LTBP1: variants seen among roughly 807,000 people sequenced by gnomAD.
LTBP1 encodes the protein latent transforming growth factor beta binding protein 1, also known as latent-transforming growth factor beta-binding protein 1.
Under a neutral mutation model 207.6 loss-of-function variants are expected in LTBP1, and 129 were observed. The observed-to-expected ratio is 0.62, with a 90% CI of 0.54 to 0.72. The LOEUF is 0.72. Ranked by LOEUF, LTBP1 falls within the 30% of genes least tolerant of loss-of-function variation. The pLI is 0.00. For synonymous variants in LTBP1, 963 were observed against 833.7 expected (o/e 1.16, Z -2.67); for missense variants, 2,281 against 2,217.2 (o/e 1.03, Z -0.58).
At chr2:33,059,198 A>G (rs1044660800) in intron 3 of LTBP1, among the ~76,000 whole-genome samples, 3 of 152,224 alleles carry the variant, frequency 2.0e-5, no homozygotes, top group African/African-American at 7.2e-5. Flanking sequence ...TTTGTGTCCT[A>G]TTAAGTATAA....
intron 5 of LTBP1, among the ~76,000 whole-genome samples, chr2:33,148,088 G>A (rs571863939): frequency 1.3e-5 from 2 of 152,178 alleles, no homozygotes; most frequent in South Asian, 2.1e-4. Flanking sequence ...TAGTGTGGTG[G>A]TCTTATCTGC....
chr2:32,959,599 A>ATGTG (rs1392400118), intron 2 of LTBP1, among the ~76,000 whole-genome samples: 658 of 51,794 alleles, frequency 0.013, no homozygotes, highest in Middle Eastern at 0.034. Context: ...ATGTACGTGT[A>ATGTG]TATATATATA....
At chr2:33,203,949 A>T (rs1176916981) in intron 7 of LTBP1, among the ~76,000 whole-genome samples, 1 of 152,166 alleles carries the variant, frequency 6.6e-6, no homozygotes, top group Non-Finnish European at 1.5e-5. Flanking sequence ...CATTTTAAGA[A>T]ATGGTTTCAG....
intron 3 of LTBP1, among the ~76,000 whole-genome samples, chr2:33,101,899 C>T (rs912185607): frequency 6.6e-6 from 1 of 152,126 alleles, no homozygotes; most frequent in African/African-American, 2.4e-5. Context: ...TTTCGGTGTA[C>T]TGTGCTTTTC....
Position 33,263,357 on chromosome 2 carries a change from G to A in LTBP1, c.2582G>A (p.Ser861Asn). ...GTAGCTCCTGAAGCTTCTACGTCTA[G>A]TGCCAGCCAAGTGATTGCTCCTACT... Reference protein sequence around the residue: ...VEVAPEASTSSASQVIAPTQV... With the variant: ...VEVAPEASTSNASQVIAPTQV... The change falls in exon 15 of 34, where the codon AGT becomes AAT. Residue 861 changes from serine to asparagine, a missense_variant. Around this residue, in one of 3 missense-constraint regions of LTBP1, gnomAD observed 1,671 missense variants for 1,634.8 expected, o/e 1.02. Coordinates refer to ENST00000404816, the MANE Select transcript of LTBP1 (RefSeq NM_206943.4). The A allele has an allele frequency of 6.2e-7, 1 of 1,613,910 alleles. No individual in the cohort carries two copies. The highest frequency in any genetic ancestry group is 8.5e-7 in the Non-Finnish European group (1 of 1,179,938).
At position 32,949,907 on chromosome 2, in the gene LTBP1, T is replaced by C. The variant is rs75666014; in HGVS notation, c.565+962T>C. Among the ~76,000 whole-genome samples, 1,271 of 152,310 alleles carry C rather than the reference T, an allele frequency of 8.3e-3. 16 individuals are homozygous for C. Among genetic ancestry groups the C allele is most frequent in the African/African-American group, 0.029 (1,206 of 41,580 alleles). On this transcript the variant is annotated intron_variant, in intron 2 of 33. Transcript: ENST00000404816. The stretch of plus-strand genomic sequence containing the variant: ...GGGTTTTGGCATAATGGCCTTACTT[T>C]TGTAAAAAGGGAAATGTCCACAGGT...
rs1028770438 is a variant in LTBP1, at chr2:33,196,952, A to C, written c.1701+8101A>C. 5.3e-5 allele frequency among the ~76,000 whole-genome samples: 8 copies of C among 152,350 alleles called. 1 individual carries two copies. In the South Asian group the frequency reaches 1.7e-3, roughly 32 times the overall value. ...CTTTGGATTGCATTATAATGAGAAAAGAGCGGGAATAATGGAGTTAAAGGT... is the reference window on the plus strand; with the variant it reads ...CTTTGGATTGCATTATAATGAGAAACGAGCGGGAATAATGGAGTTAAAGGT... On this transcript the variant is annotated intron_variant, in intron 7 of 33. Coordinates refer to ENST00000404816, the MANE Select transcript of LTBP1 (RefSeq NM_206943.4).
chr2:33,206,826 C>T (rs995441563), intron 7 of LTBP1, among the ~76,000 whole-genome samples: 1 of 151,830 alleles, frequency 6.6e-6, no homozygotes, highest in Non-Finnish European at 1.5e-5. Context: ...TGATAGTAAT[C>T]ATGGCTATAT....
intron 32 of LTBP1, among the ~76,000 whole-genome samples, chr2:33,393,522 A>G (rs1204594727): frequency 7.1e-6 from 1 of 141,186 alleles, no homozygotes; most frequent in East Asian, 2.1e-4. Context: ...ATTCCCACCT[A>G]TGAGTGAGAA....
intron 3 of LTBP1, among the ~76,000 whole-genome samples, chr2:33,071,166 G>A (rs552601114): frequency 6.6e-6 from 1 of 152,290 alleles, no homozygotes; most frequent in South Asian, 2.1e-4. Flanking sequence ...GGAACAAAGA[G>A]TGAGTCGTTC....
chr2:33,371,671 A>G (rs1220296506), intron 31 of LTBP1, among the ~76,000 whole-genome samples: 1 of 152,190 alleles, frequency 6.6e-6, no homozygotes, highest in African/African-American at 2.4e-5. Context: ...AATAAAAATG[A>G]TAACTAACAT....
chr2:32,989,937 G>T (rs147575321), intron 2 of LTBP1, among the ~76,000 whole-genome samples: 65 of 152,268 alleles, frequency 4.3e-4, no homozygotes, highest in East Asian at 3.7e-3. Context: ...CCTAGCACTA[G>T]GTAGTTGTTA....
At chr2:33,048,379 CTGTTG>C in intron 3 of LTBP1, among the ~76,000 whole-genome samples, 1 of 152,236 alleles carries the variant, frequency 6.6e-6, no homozygotes, top group Middle Eastern at 3.4e-3. Flanking sequence ...AGGAATAATC[CTGTTG>C]TCTTCTAATA....
At chr2:33,300,072 A>G (rs2093955609) in intron 20 of LTBP1, among the ~76,000 whole-genome samples, 1 of 152,134 alleles carries the variant, frequency 6.6e-6, no homozygotes, top group South Asian at 2.1e-4. Context: ...TTCCTAGTCG[A>G]GTTTTCCTTC....
chr2:33,389,920 G>A (rs2095301081), intron 32 of LTBP1, among the ~76,000 whole-genome samples: 1 of 152,150 alleles, frequency 6.6e-6, no homozygotes, highest in Admixed American at 6.5e-5. Flanking sequence ...TTACAGGCAT[G>A]AGTCACCGTG....
intron 24 of LTBP1, among the ~76,000 whole-genome samples, chr2:33,324,590 G>A (rs531742165): frequency 6.6e-6 from 1 of 151,646 alleles, no homozygotes; most frequent in East Asian, 1.9e-4. Context: ...TTTTTATATT[G>A]TCAATGCTTA....
chr2:33,311,525 C>G (rs984581433), intron 23 of LTBP1, among the ~76,000 whole-genome samples: 2 of 126,962 alleles, frequency 1.6e-5, no homozygotes, highest in Non-Finnish European at 3.2e-5. Context: ...TATAAAAATA[C>G]CAAGAGATGG....
chr2:33,337,939 C>G lies in LTBP1; in HGVS notation c.3731-4899C>G, dbSNP rs576025696. ...AGAATTACTCGTATTTGTAGCAGTT[C>G]TTTTCATTGTATGTATATACGGGAC... On this transcript the variant is annotated intron_variant, in intron 24 of 33. Transcript: ENST00000404816. Among the ~76,000 whole-genome samples the G allele has an allele frequency of 7.9e-5, 12 of 152,234 alleles. No individual in the cohort carries two copies. In the South Asian group the frequency reaches 2.3e-3, roughly 29 times the overall value.
chr2:33,390,861 GA>G (rs1443977148), intron 32 of LTBP1, among the ~76,000 whole-genome samples: 1 of 152,128 alleles, frequency 6.6e-6, no homozygotes, highest in African/African-American at 2.4e-5. Context: ...AAAATGCAGT[GA>G]AGCTTTTTTC....
Sources: gnomAD v4.1 joint callset for allele counts (sites outside exome capture counted in the v4.1 genomes callset) on GRCh38, gnomAD v4.1.1 for gene constraint, gnomAD v4.1.1 regional missense constraint, MANE v1.5 for transcripts, NCBI Gene and HGNC (gene_info 2026-07-23, HGNC 2026-07-21) for gene names.